The following MAGI2 variants were observed in gnomAD, a reference collection of about 807,000 sequenced individuals.
The protein encoded by MAGI2 is membrane associated guanylate kinase, WW and PDZ domain containing 2.
Under a neutral mutation model 133.3 loss-of-function variants are expected in MAGI2, and 35 were observed. The ratio of observed to expected loss-of-function variants is 0.26; its 90% confidence interval spans 0.20 to 0.35. The LOEUF (loss-of-function observed/expected upper bound fraction) is 0.35. MAGI2 is among the 10% of genes least tolerant of loss of function. The pLI is 1.00. For synonymous variants in MAGI2, 729 were observed against 710.6 expected (o/e 1.03, Z -0.41); for missense variants, 1,636 against 1,863.4 (o/e 0.88, Z 2.25).
At chr7:79,140,593 G>T (rs1370709669) in intron 1 of MAGI2, among the ~76,000 whole-genome samples, 2 of 152,144 alleles carry the variant, frequency 1.3e-5, no homozygotes, top group Non-Finnish European at 2.9e-5. Context: ...CACGATTAAT[G>T]ATTTGAGCAT....
At position 79,255,086 on chromosome 7, in the gene MAGI2, C is replaced by T. The variant is rs574249416; in HGVS notation, c.301+197934G>A. Among the ~76,000 whole-genome samples the T allele has an allele frequency of 1.3e-3, 193 of 152,198 alleles. 1 individual carries two copies. Among genetic ancestry groups the T allele is most frequent in the Non-Finnish European group, 2.2e-3 (151 of 67,978 alleles). ...TCTGTATGACACGTATTTTTCTATT[C>T]TAATTTTTTATGCCTTTGAACCTTC... On this transcript the variant is annotated intron_variant, in intron 1 of 21. Coordinates refer to ENST00000354212, the MANE Select transcript of MAGI2 (RefSeq NM_012301.4).
intron 1 of MAGI2, among the ~76,000 whole-genome samples, chr7:79,298,395 CTT>C (rs1465850644): frequency 6.6e-6 from 1 of 152,022 alleles, no homozygotes; most frequent in African/African-American, 2.4e-5. Flanking sequence ...GAGTTCCTAA[CTT>C]GGGGAGCTAA....
rs147614271 is a variant in MAGI2, at chr7:79,204,842, A to G, written c.302-197636T>C. On this transcript the variant is annotated intron_variant, in intron 1 of 21. Transcript: ENST00000354212. Reference sequence around the variant, plus strand: ...TACAATGAATGAAATGAAAACTGCAACCGAAATCATCAATAACAGAATTGA... The same window carrying G: ...TACAATGAATGAAATGAAAACTGCAGCCGAAATCATCAATAACAGAATTGA... 1.9e-3 allele frequency among the ~76,000 whole-genome samples: 287 copies of G among 152,182 alleles called. 2 individuals carry two copies. The highest frequency in any genetic ancestry group is 6.7e-3 in the African/African-American group (277 of 41,492).
chr7:78,388,081 G>A (rs1283087773), intron 6 of MAGI2, among the ~76,000 whole-genome samples: 44 of 152,152 alleles, frequency 2.9e-4, no homozygotes, highest in Admixed American at 2.9e-3. Flanking sequence ...AAGTATATTT[G>A]ACAAAAACAT....
chr7:79,006,595 T>C (rs532264937), intron 2 of MAGI2: 2 of 152,434 alleles, frequency 1.3e-5, no homozygotes, highest in East Asian at 1.9e-4. Flanking sequence ...ATCATTGCTT[T>C]CTAAGACTTG....
chr7:79,228,798 C>A (rs1831100901), intron 1 of MAGI2, among the ~76,000 whole-genome samples: 2 of 152,086 alleles, frequency 1.3e-5, no homozygotes, highest in South Asian at 2.1e-4. Flanking sequence ...TCTTTCCTAC[C>A]TTTTCAGGTC....
Position 79,184,539 on chromosome 7 carries a change from T to C in MAGI2, c.302-177333A>G, listed in dbSNP as rs962736817. On this transcript the variant is annotated intron_variant, in intron 1 of 21. Coordinates refer to ENST00000354212, the MANE Select transcript of MAGI2 (RefSeq NM_012301.4). Reference sequence around the variant, plus strand: ...CAATTGTTTTACTATGTTCACTCTATAGCAGTAGAATATTATTAAAGAGTA... The same window carrying C: ...CAATTGTTTTACTATGTTCACTCTACAGCAGTAGAATATTATTAAAGAGTA... Among the ~76,000 whole-genome samples the C allele has an allele frequency of 9.2e-5, 14 of 151,790 alleles. No homozygotes were observed. The East Asian group carries it at 2.3e-3, about 25-fold the overall frequency.
At chr7:78,586,747 A>G (rs1333209982) in intron 3 of MAGI2, among the ~76,000 whole-genome samples, 1 of 152,174 alleles carries the variant, frequency 6.6e-6, no homozygotes, top group African/African-American at 2.4e-5. Context: ...CTCTCCCTGC[A>G]GTCCTCACAA....
chr7:78,514,278 A>G (rs934405173), intron 4 of MAGI2, among the ~76,000 whole-genome samples: 2 of 150,692 alleles, frequency 1.3e-5, no homozygotes, highest in African/African-American at 4.9e-5. Context: ...TACCATTATA[A>G]TTATAAAATT....
At chr7:78,486,075 C>G (rs1792971003) in intron 6 of MAGI2, 2 of 152,086 alleles carry the variant, frequency 1.3e-5, no homozygotes, top group East Asian at 1.9e-4. Flanking sequence ...GCTCTTAGAA[C>G]AGTATAGACT....
intron 20 of MAGI2, among the ~76,000 whole-genome samples, chr7:78,092,460 G>A (rs1446310123): frequency 6.6e-6 from 1 of 152,168 alleles, no homozygotes; most frequent in African/African-American, 2.4e-5. Flanking sequence ...GAATGTAGCC[G>A]AGTGTCTAAA....
At position 78,842,181 on chromosome 7, in the gene MAGI2, T is replaced by C. The variant is rs188240664; in HGVS notation, c.418+164909A>G. On this transcript the variant is annotated intron_variant, in intron 2 of 21. Transcript: ENST00000354212. ...CAAGTTAAGACGAACAAGTAATAAA[T>C]AATCACAAAATTTCAGTTACTATGA... is the stretch of plus-strand genomic sequence containing the variant. Among the ~76,000 whole-genome samples the C allele has an allele frequency of 6.6e-5, 10 of 151,920 alleles. No individual in the cohort carries two copies. In the East Asian group the frequency reaches 1.9e-3, roughly 29 times the overall value.
chr7:79,376,334 G>A (rs914232119), intron 1 of MAGI2, among the ~76,000 whole-genome samples: 1 of 151,766 alleles, frequency 6.6e-6, no homozygotes, highest in African/African-American at 2.4e-5. Context: ...ATATGAATAT[G>A]GTTTCTCTCT....
At chr7:78,489,466 G>A (rs561814876) in intron 6 of MAGI2, among the ~76,000 whole-genome samples, 2 of 152,074 alleles carry the variant, frequency 1.3e-5, no homozygotes, top group African/African-American at 2.4e-5. Flanking sequence ...TCAGAGCGAC[G>A]TATTGCAAAC....
At chr7:79,366,277 A>G (rs1470469231) in intron 1 of MAGI2, among the ~76,000 whole-genome samples, 1 of 152,150 alleles carries the variant, frequency 6.6e-6, no homozygotes, top group African/African-American at 2.4e-5. Flanking sequence ...ATATATATAT[A>G]TCCAATCCCA....
intron 1 of MAGI2, among the ~76,000 whole-genome samples, chr7:79,128,067 C>T (rs959183184): frequency 2.6e-5 from 4 of 152,120 alleles, no homozygotes; most frequent in African/African-American, 7.2e-5. Flanking sequence ...ATCCTTTCCC[C>T]GTTGCTTGTT....
At chr7:78,543,468 AT>A (rs1798575119) in intron 3 of MAGI2, among the ~76,000 whole-genome samples, 1 of 152,230 alleles carries the variant, frequency 6.6e-6, no homozygotes, top group Non-Finnish European at 1.5e-5. Flanking sequence ...AAAAAGGTAT[AT>A]TGTTAACATT....
intron 1 of MAGI2, among the ~76,000 whole-genome samples, chr7:79,371,508 T>C (rs1384469347): frequency 6.6e-6 from 1 of 152,170 alleles, no homozygotes; most frequent in Non-Finnish European, 1.5e-5. Context: ...TGTTTAGATA[T>C]GTTTATACAT....
At chr7:79,374,887 C>T (rs1039739898) in intron 1 of MAGI2, among the ~76,000 whole-genome samples, 1 of 151,860 alleles carries the variant, frequency 6.6e-6, no homozygotes, top group African/African-American at 2.4e-5. Context: ...CTTTCTGGTA[C>T]TCATGGGCAT....
Sources: allele counts gnomAD v4.1 joint callset (sites outside exome capture counted in the v4.1 genomes callset), GRCh38; gene constraint gnomAD v4.1.1; transcripts MANE v1.5; gene names NCBI Gene and HGNC (gene_info 2026-07-23, HGNC 2026-07-21).